Variants in EYS observed in about 807,000 individuals in gnomAD.
The protein encoded by EYS is protein eyes shut homolog.
A neutral mutation model predicts 282.1 loss-of-function variants in EYS; 250 were observed. The ratio of observed to expected loss-of-function variants is 0.89; its 90% CI spans 0.80 to 0.98. EYS has a LOEUF of 0.98. Among genes scored for constraint, EYS ranks in the 50% least tolerant of loss-of-function variants. The probability of loss-of-function intolerance (pLI) is 0.00; values close to 1 mark genes in which losing one functional copy is unlikely to be tolerated. For synonymous variants in EYS, 1,355 were observed against 1,282.9 expected, an observed-to-expected ratio of 1.06 and a Z score of -1.20; for missense variants, 4,016 against 3,709.0, an observed-to-expected ratio of 1.08 and a Z score of -2.15.
At chr6:64,185,968 C>T (rs1032973875) in intron 31 of EYS, among the ~76,000 whole-genome samples, 5 of 152,014 alleles carry the variant, frequency 3.3e-5, no homozygotes, top group Admixed American at 6.6e-5. Flanking sequence ...TTCACAACGC[C>T]GGGCTAAAAA....
intron 2 of EYS, among the ~76,000 whole-genome samples, chr6:65,542,203 C>T (rs188983010): frequency 3.0e-4 from 45 of 152,060 alleles, no homozygotes; most frequent in Admixed American, 6.5e-4. Context: ...CCAGGCACTT[C>T]TTTATTCCTA....
intron 19 of EYS, among the ~76,000 whole-genome samples, chr6:64,825,438 A>AACTGCATACATACTGCATGCAT (rs1765023157): frequency 6.6e-6 from 1 of 151,838 alleles, no homozygotes; most frequent in Admixed American, 6.6e-5. Flanking sequence ...CATACATTCA[A>AACTGCATACATACTGCATGCAT]ATATTTGTTA....
At chr6:64,560,756 G>A (rs1765368410) in intron 26 of EYS, among the ~76,000 whole-genome samples, 1 of 152,120 alleles carries the variant, frequency 6.6e-6, no homozygotes, top group Admixed American at 6.6e-5. Context: ...TGAGGGGAGT[G>A]TCTGATTTCT....
intron 28 of EYS, among the ~76,000 whole-genome samples, chr6:64,429,029 C>T (rs1774501250): frequency 6.6e-6 from 1 of 152,070 alleles, no homozygotes; most frequent in Non-Finnish European, 1.5e-5. Context: ...ACATCAGCTA[C>T]ATAATTTCAG....
At chr6:64,373,353 C>G (rs916926881) in intron 29 of EYS, among the ~76,000 whole-genome samples, 1 of 152,176 alleles carries the variant, frequency 6.6e-6, no homozygotes, top group African/African-American at 2.4e-5. Flanking sequence ...ATTACTGTCT[C>G]CATGCCCACA....
chr6:64,246,698 A>G (rs1175351710), intron 30 of EYS, among the ~76,000 whole-genome samples: 1 of 152,174 alleles, frequency 6.6e-6, no homozygotes, highest in East Asian at 1.9e-4. Flanking sequence ...AGTAGTTGCT[A>G]GAGAAGTATT....
intron 1 of EYS, among the ~76,000 whole-genome samples, chr6:65,642,508 A>C (rs765898698): frequency 2.7e-5 from 4 of 145,580 alleles, no homozygotes; most frequent in Non-Finnish European, 6.1e-5. Flanking sequence ...TTGGGCTACA[A>C]TTCTTCAAGA....
chr6:64,590,809 T>C lies in EYS; in HGVS notation c.5058A>G (p.Lys1686=), dbSNP rs1352736189. 1.3e-6 allele frequency: 2 copies of C among 1,550,290 alleles called. No homozygotes were observed. Among genetic ancestry groups the C allele is most frequent in the East Asian group, 4.9e-5 (2 of 40,878 alleles). Reference sequence around the variant, plus strand: ...ATACTGACAGTTCATCAGTAGTCATTTTTGAAGTCAAATCAGAATTCATCA... The same window carrying C: ...ATACTGACAGTTCATCAGTAGTCATCTTTGAAGTCAAATCAGAATTCATCA... ...SDLMNSDLTS[K]MTTDELSVSE... The change falls in exon 26 of 43, where the codon AAA becomes AAG. Residue 1686 remains lysine, a synonymous_variant. Transcript: ENST00000503581.
intron 26 of EYS, among the ~76,000 whole-genome samples, chr6:64,545,719 C>A (rs1764837259): frequency 6.6e-6 from 1 of 152,194 alleles, no homozygotes; most frequent in Admixed American, 6.5e-5. Flanking sequence ...CATTCTTATA[C>A]ACCAGTAACA....
intron 2 of EYS, among the ~76,000 whole-genome samples, chr6:65,504,986 C>T (rs1415297997): frequency 6.6e-6 from 1 of 151,754 alleles, no homozygotes; most frequent in Non-Finnish European, 1.5e-5. Context: ...GAAGAATTGG[C>T]ATCATTTCTT....
In EYS at chr6:63,891,051, C is replaced by T. The variant is rs1437904523; in HGVS notation, c.7056-26693G>A. Among the ~76,000 whole-genome samples the T allele has an allele frequency of 3.9e-5, 6 of 152,226 alleles. No homozygotes were observed. In the East Asian group the frequency reaches 1.2e-3, roughly 29 times the overall value. On this transcript the variant is annotated intron_variant, in intron 35 of 42. Transcript: ENST00000503581. ...AGACTAAACCAGGAAGAAGTCAAAT[C>T]CCTGAATAGACCAATAACAAGTTCT...
At chr6:64,362,068 G>A (rs1040036470) in intron 29 of EYS, among the ~76,000 whole-genome samples, 10 of 151,688 alleles carry the variant, frequency 6.6e-5, no homozygotes, top group African/African-American at 2.4e-4. Context: ...ATATCAAATA[G>A]CCTGGAAGAA....
intron 28 of EYS, among the ~76,000 whole-genome samples, chr6:64,402,111 T>C (rs1773554474): frequency 6.6e-6 from 1 of 152,172 alleles, no homozygotes; most frequent in Non-Finnish European, 1.5e-5. Flanking sequence ...TTTTGCCAAC[T>C]GATATATTAC....
At chr6:64,194,686 G>A (rs760873382) in intron 31 of EYS, among the ~76,000 whole-genome samples, 1 of 152,026 alleles carries the variant, frequency 6.6e-6, no homozygotes, top group East Asian at 1.9e-4. Context: ...TATTTCTTGT[G>A]ATTAGCAACA....
chr6:64,628,949 C>A (rs1359749311), intron 22 of EYS, among the ~76,000 whole-genome samples: 1 of 152,136 alleles, frequency 6.6e-6, no homozygotes, highest in African/African-American at 2.4e-5. Flanking sequence ...TTTGTCACAA[C>A]TAGTGACACA....
chr6:65,086,752 GCATAAACACA>G (rs1427147942), intron 12 of EYS, among the ~76,000 whole-genome samples: 1 of 151,892 alleles, frequency 6.6e-6, no homozygotes, highest in Non-Finnish European at 1.5e-5. Flanking sequence ...ATGTACATGA[GCATAAACACA>G]CATAAATACA....
chr6:65,318,623 A>C (rs1769380513), intron 11 of EYS, among the ~76,000 whole-genome samples: 1 of 147,670 alleles, frequency 6.8e-6, no homozygotes, highest in Non-Finnish European at 1.5e-5. Context: ...TATATATAAA[A>C]TATATATAAT....
intron 5 of EYS, among the ~76,000 whole-genome samples, chr6:65,427,006 G>C (rs1007000765): frequency 3.3e-5 from 5 of 151,926 alleles, no homozygotes; most frequent in Non-Finnish European, 7.4e-5. Flanking sequence ...TGTGTGTGTT[G>C]TATATCTGTA....
At chr6:65,347,579 C>A (rs930259086) in intron 9 of EYS, among the ~76,000 whole-genome samples, 4 of 147,144 alleles carry the variant, frequency 2.7e-5, no homozygotes, top group African/African-American at 7.5e-5. Flanking sequence ...TTTTGTTTTT[C>A]CCTTTGAGTT....
Sources: gnomAD v4.1 joint callset for allele counts (sites outside exome capture counted in the v4.1 genomes callset) on GRCh38, gnomAD v4.1.1 for gene constraint, MANE v1.5 for transcripts, NCBI Gene and HGNC (gene_info 2026-07-23, HGNC 2026-07-21) for gene names.